TRPM6: variants seen among roughly 807,000 people sequenced by gnomAD.
TRPM6 encodes the protein channel kinase 2.
In TRPM6, 111 loss-of-function variants were observed where a neutral mutation model predicts 247.6. That is an observed-to-expected ratio of 0.45 (90% CI 0.38 to 0.52). The LOEUF (loss-of-function observed/expected upper bound fraction) is 0.52. Ranked by LOEUF, TRPM6 falls within the 20% of genes least tolerant of loss-of-function variation. TRPM6 has a pLI of 0.00. For missense variants in TRPM6, 2,126 were observed against 2,421.5 expected, an observed-to-expected ratio of 0.88 and a Z score of 2.56; for synonymous variants, 892 against 853.8, an observed-to-expected ratio of 1.04 and a Z score of -0.78.
chr9:74,769,687 G>A (rs895497629), intron 25 of TRPM6, among the ~76,000 whole-genome samples: 9 of 151,074 alleles, frequency 6.0e-5, no homozygotes, highest in Admixed American at 4.6e-4. Context: ...GAACCCGGGA[G>A]GCAGAAGTTG....
At chr9:74,869,785 G>A (rs1830966364) in intron 1 of TRPM6, among the ~76,000 whole-genome samples, 2 of 152,194 alleles carry the variant, frequency 1.3e-5, no homozygotes, top group African/African-American at 2.4e-5. Flanking sequence ...GGAAATGACT[G>A]TAGAGATCTC....
chr9:74,752,541 A>G lies in TRPM6; in HGVS notation c.4907-173T>C, dbSNP rs564118452. On this transcript the variant is annotated intron_variant, in intron 28 of 38. Transcript: ENST00000360774. The stretch of plus-strand genomic sequence containing the variant: ...TTTCCTTTATCCTTTTTTTCTCAAG[A>G]GGTTGAAAACTATATATTCTATTTC... Among the ~76,000 whole-genome samples the G allele has an allele frequency of 3.9e-5, 6 of 152,172 alleles. No homozygotes were observed. In the South Asian group the frequency reaches 8.3e-4, roughly 21 times the overall value.
intron 3 of TRPM6, among the ~76,000 whole-genome samples, chr9:74,846,073 A>C (rs1830099347): frequency 6.6e-6 from 1 of 152,210 alleles, no homozygotes; most frequent in African/African-American, 2.4e-5. Context: ...AATATCAAGA[A>C]GCAGAGAAAA....
chr9:74,723,199 C>T lies in TRPM6; in HGVS notation c.*1414G>A, dbSNP rs1373136753. 6 of 152,264 alleles carry T rather than the reference C, an allele frequency of 3.9e-5. No individual in the cohort carries two copies. The South Asian group carries it at 1.0e-3, about 26-fold the overall frequency. The allele number at this position is 152,264 out of a possible 1,614,324, so 9.4% of individuals were successfully genotyped here. ...AGTGCTTCACCTTAGGCCTCACAAA[C>T]CAATGACATGTTCTCAGCCATATTT... is the stretch of plus-strand genomic sequence containing the variant. On this transcript the variant is annotated 3_prime_UTR_variant, in exon 39 of 39. Transcript: ENST00000360774.
chr9:74,820,493 A>C lies in TRPM6; in HGVS notation c.1011-66T>G, dbSNP rs969055688. ...GGAATGAGCCGGCAACATCAGTACA[A>C]GAAAACACCCCATCAGCTCCCCAGA... On this transcript the variant is annotated intron_variant, in intron 8 of 38. Coordinates refer to ENST00000360774, the MANE Select transcript of TRPM6 (RefSeq NM_017662.5). The C allele has an allele frequency of 3.8e-6, 6 of 1,595,712 alleles. No homozygotes were observed. The East Asian group carries it at 1.1e-4, about 30-fold the overall frequency.
chr9:74,763,935 A>G (rs756528811), intron 25 of TRPM6, among the ~76,000 whole-genome samples: 2 of 152,084 alleles, frequency 1.3e-5, no homozygotes, highest in Non-Finnish European at 1.5e-5. Flanking sequence ...GATCACTTGA[A>G]GTCAAGAGTT....
intron 1 of TRPM6, among the ~76,000 whole-genome samples, chr9:74,867,853 TAA>T (rs35586777): frequency 6.6e-6 from 1 of 151,704 alleles, no homozygotes; most frequent in Non-Finnish European, 1.5e-5. Flanking sequence ...TTCATTCATT[TAA>T]AAAAAAATAC....
At chr9:74,805,258 A>G (rs1234137590) in intron 14 of TRPM6, among the ~76,000 whole-genome samples, 2 of 152,178 alleles carry the variant, frequency 1.3e-5, no homozygotes, top group Non-Finnish European at 2.9e-5. Context: ...AGAAATACAG[A>G]TTCATTTTCA....
In TRPM6 at chr9:74,830,765, T is replaced by G. The variant is rs1247383864; in HGVS notation, c.670-2816A>C. On this transcript the variant is annotated intron_variant, in intron 6 of 38. Coordinates refer to ENST00000360774, the MANE Select transcript of TRPM6 (RefSeq NM_017662.5). ...CTAATTTTTGTTTTTTTTTTTTTTT[T>G]TTTTTTTTTTTTTGTAGACAAGGGT... 1.3e-4 allele frequency among the ~76,000 whole-genome samples: 18 copies of G among 141,588 alleles called. No individual in the cohort carries two copies. In the East Asian group the frequency reaches 2.6e-3, roughly 21 times the overall value. 92.9% of individuals were successfully genotyped at this position (141,588 alleles called of 152,430 possible).
chr9:74,858,803 C>A, intron 1 of TRPM6, 55 bp from the exon 2 acceptor site: 1 of 1,408,980 alleles, frequency 7.1e-7, no homozygotes, highest in Non-Finnish European at 1.0e-6. Context: ...AACAATGTAA[C>A]CATAGTAGTT....
chr9:74,734,095 C>G (rs374615489), intron 36 of TRPM6, among the ~76,000 whole-genome samples: 1 of 152,128 alleles, frequency 6.6e-6, no homozygotes, highest in African/African-American at 2.4e-5. Context: ...TTTATCAAAA[C>G]AGGAATCAGC....
At chr9:74,836,813 C>T (rs893744525) in intron 5 of TRPM6, among the ~76,000 whole-genome samples, 1 of 152,188 alleles carries the variant, frequency 6.6e-6, no homozygotes, top group Non-Finnish European at 1.5e-5. Flanking sequence ...CACATGCCTT[C>T]ACCTCTAGCT....
intron 34 of TRPM6, 103 bp downstream of exon 34, chr9:74,739,620 C>T: frequency 6.4e-7 from 1 of 1,554,648 alleles, no homozygotes; most frequent in Non-Finnish European, 8.8e-7. Context: ...AAATAATAGG[C>T]TCCCCTTTGG....
chr9:74,778,036 C>T (rs1387889877), intron 23 of TRPM6, among the ~76,000 whole-genome samples: 2 of 152,218 alleles, frequency 1.3e-5, no homozygotes, highest in African/African-American at 4.8e-5. Flanking sequence ...TGTTCTGATG[C>T]CAGGATGGGC....
chr9:74,792,498 C>T (rs548280792), intron 19 of TRPM6, 126 bp downstream of exon 19: 514 of 1,020,326 alleles, frequency 5.0e-4, no homozygotes, highest in Non-Finnish European at 7.1e-4. Context: ...CTTTGTCATG[C>T]CCTCACTTTT....
At chr9:74,784,817 A>G (rs75968280) in intron 21 of TRPM6, among the ~76,000 whole-genome samples, 3,367 of 152,312 alleles carry the variant, frequency 0.022, 126 homozygotes, top group African/African-American at 0.077. Context: ...GCTTCTATAA[A>G]TAATTCCAAG....
intron 1 of TRPM6, among the ~76,000 whole-genome samples, chr9:74,884,653 C>T (rs997950175): frequency 1.7e-4 from 26 of 151,994 alleles, no homozygotes; most frequent in East Asian, 9.6e-4. Context: ...ATTTGGATTT[C>T]TATTTGTAGT....
rs746256465 is a variant in TRPM6 at position 74,816,676 on chromosome 9, T to C, written c.1301A>G (p.His434Arg). 6.2e-7 allele frequency: 1 copy of C among 1,613,194 alleles called. No homozygotes were observed. Among genetic ancestry groups the C allele is most frequent in the Non-Finnish European group, 8.5e-7 (1 of 1,179,264 alleles). ...ACTTCATTTTCACTATACCTTCCAG[T>C]GTTGTTCATAAATTAGGATATGTTT... is the stretch of plus-strand genomic sequence containing the variant. ...AKKHILIYEQ[H>R]WKPDALEQAM... is the part of the protein sequence containing the mutation. Residue 434 changes from histidine (H) to arginine (R), a missense_variant, in exon 11 of 39, where the codon CAC (histidine) becomes CGC (arginine). Coordinates refer to ENST00000360774, the MANE Select transcript of TRPM6 (RefSeq NM_017662.5).
chr9:74,880,595 C>T (rs2118524936), intron 1 of TRPM6, among the ~76,000 whole-genome samples: 1 of 152,130 alleles, frequency 6.6e-6, no homozygotes, highest in African/African-American at 2.4e-5. Context: ...GCAATGTTAT[C>T]CTTCATAAAT....
Sources: allele counts gnomAD v4.1 joint callset (sites outside exome capture counted in the v4.1 genomes callset), GRCh38; gene constraint gnomAD v4.1.1; transcripts MANE v1.5; gene names NCBI Gene and HGNC (gene_info 2026-07-23, HGNC 2026-07-21).